MAP3K4: variants seen among roughly 807,000 people sequenced by gnomAD.
MAP3K4 encodes mitogen-activated protein kinase kinase kinase 4, also known as MAP three kinase 1.
MAP3K4 carries 67 observed loss-of-function variants against 185.6 expected under a neutral mutation model. The observed-to-expected ratio is 0.36, with a 90% CI of 0.30 to 0.44. MAP3K4 has a LOEUF of 0.44. MAP3K4 is among the 20% of genes least tolerant of loss of function. The pLI is 1.00. For missense variants in MAP3K4, 1,551 were observed against 1,995.1 expected, an observed-to-expected ratio of 0.78 and a Z score of 4.24; for synonymous variants, 702 against 710.4, an observed-to-expected ratio of 0.99 and a Z score of 0.19.
At position 161,106,714 on chromosome 6, in the gene MAP3K4, A is replaced by T; in HGVS notation, c.4048+9A>T. 1 of 1,602,358 alleles carries T rather than the reference A, an allele frequency of 6.2e-7. No homozygotes were observed. On this transcript the variant is annotated intron_variant, in intron 20 of 26. Coordinates refer to ENST00000392142, the MANE Select transcript of MAP3K4 (RefSeq NM_005922.4). The surrounding 1 kb of genome is among the most constrained non-coding windows in gnomAD (Gnocchi z 4.9). ...AAGAGGAAACAAAATTGGTAAGGAA[A>T]TTAAGGAGCATGATGTCAAGATAGT...
At position 161,103,491 on chromosome 6, in the gene MAP3K4, C is replaced by G. The variant is rs1777921106; in HGVS notation, c.3856+712C>G. 6.6e-6 allele frequency among the ~76,000 whole-genome samples: 1 copy of G among 152,162 alleles called. No individual in the cohort carries two copies. ...CTTTGAAGGGATGGCAGGTCTGCAG[C>G]AAGCCAGGAGGCAAGGAATAGAAGG... On this transcript the variant is annotated intron_variant, in intron 19 of 26. Coordinates refer to ENST00000392142, the MANE Select transcript of MAP3K4 (RefSeq NM_005922.4). This position sits in a 1 kb window ranked among gnomAD's most constrained non-coding sequence, Gnocchi z 4.6.
chr6:161,019,630 A>G (rs923122701), intron 1 of MAP3K4, among the ~76,000 whole-genome samples: 2 of 152,110 alleles, frequency 1.3e-5, no homozygotes, highest in Non-Finnish European at 2.9e-5. Flanking sequence ...GCCGGTCTTG[A>G]ACTCCTGACC....
Position 161,064,527 on chromosome 6 carries a change from C to G in MAP3K4, c.1708-6081C>G, listed in dbSNP as rs181159363. Among the ~76,000 whole-genome samples, 83 of 151,752 alleles carry G rather than the reference C, an allele frequency of 5.5e-4. 1 individual carries two copies. Among genetic ancestry groups the G allele is most frequent in the Non-Finnish European group, 1.0e-4 (7 of 67,968 alleles). On this transcript the variant is annotated intron_variant, in intron 3 of 26. Transcript: ENST00000392142. This position sits in a 1 kb window ranked among gnomAD's most constrained non-coding sequence, Gnocchi z 4.3. The stretch of plus-strand genomic sequence containing the variant: ...TCTGATCTGTTTATTACTGTGCAGG[C>G]TTATTCTATTTTAAATAGAGTAGGC...
chr6:161,070,354 A>T lies in MAP3K4; in HGVS notation c.1708-254A>T, dbSNP rs1362901607. ...ATGAACCTGATTCTTTTTCTAATATACTTCTTTGATCAAAGTATTGCAATT... is the reference window on the plus strand; with the variant it reads ...ATGAACCTGATTCTTTTTCTAATATTCTTCTTTGATCAAAGTATTGCAATT... On this transcript the variant is annotated intron_variant, in intron 3 of 26. Transcript: ENST00000392142. The surrounding 1 kb of genome is among the most constrained non-coding windows in gnomAD (Gnocchi z 4.5). Among the ~76,000 whole-genome samples the T allele has an allele frequency of 1.3e-5, 2 of 152,146 alleles. No homozygotes were observed. Among genetic ancestry groups the T allele is most frequent in the African/African-American group, 4.8e-5 (2 of 41,428 alleles).
rs1456988264 is a variant in MAP3K4 at position 161,088,563 on chromosome 6, C to T, written c.2823+609C>T. Among the ~76,000 whole-genome samples, 8 of 152,146 alleles carry T rather than the reference C, an allele frequency of 5.3e-5. No individual in the cohort carries two copies. The highest frequency in any genetic ancestry group is 1.9e-4 in the East Asian group (1 of 5,196). On this transcript the variant is annotated intron_variant, in intron 10 of 26. Transcript: ENST00000392142. This position sits in a 1 kb window ranked among gnomAD's most constrained non-coding sequence, Gnocchi z 4.5. Reference sequence around the variant, plus strand: ...TATATTCCGTCTCAGTGAATGGTTCCGCGTTCACTCACATGTTTAAACCAG... The same window carrying T: ...TATATTCCGTCTCAGTGAATGGTTCTGCGTTCACTCACATGTTTAAACCAG...
At chr6:161,030,735 G>A (rs1782888575) in intron 1 of MAP3K4, among the ~76,000 whole-genome samples, 1 of 152,092 alleles carries the variant, frequency 6.6e-6, no homozygotes, top group African/African-American at 2.4e-5. Context: ...TGATAGGATG[G>A]AAAACGTTGT....
At chr6:161,010,681 A>AC (rs1314828858) in intron 1 of MAP3K4, among the ~76,000 whole-genome samples, 2 of 152,150 alleles carry the variant, frequency 1.3e-5, no homozygotes, top group Admixed American at 6.6e-5. Context: ...ACTATGACTA[A>AC]CCCCTGTTAA....
At chr6:161,099,428 A>G (rs1413051177) in intron 17 of MAP3K4, among the ~76,000 whole-genome samples, 1 of 152,264 alleles carries the variant, frequency 6.6e-6, no homozygotes, top group East Asian at 1.9e-4. Flanking sequence ...AGAAATGTCT[A>G]TAACCTAAAA....
intron 1 of MAP3K4, among the ~76,000 whole-genome samples, chr6:160,995,153 AGGT>A (rs1201665791): frequency 2.0e-5 from 3 of 152,132 alleles, no homozygotes; most frequent in Non-Finnish European, 2.9e-5. Flanking sequence ...TGCAGGAGTA[AGGT>A]GGTATCTCAT....
At chr6:161,094,722 T>G (rs2114875984) in intron 15 of MAP3K4, among the ~76,000 whole-genome samples, 1 of 152,344 alleles carries the variant, frequency 6.6e-6, no homozygotes. Flanking sequence ...AATCTTCAGT[T>G]TATACCTCTT....
chr6:161,087,676 T>C lies in MAP3K4; in HGVS notation c.2557-12T>C. ...CAGTGTTCCTTAAGATTTTGGATTA[T>C]GTCTTTTGCAGGTGCAAATTCCTGG... On this transcript the variant is annotated splice_polypyrimidine_tract_variant and intron_variant, in intron 9 of 26. Transcript: ENST00000392142. The surrounding 1 kb of genome is among the most constrained non-coding windows in gnomAD (Gnocchi z 4.9). 1.2e-6 allele frequency: 2 copies of C among 1,613,532 alleles called. No individual in the cohort carries two copies. Among genetic ancestry groups the C allele is most frequent in the Non-Finnish European group, 1.7e-6 (2 of 1,179,894 alleles).
intron 1 of MAP3K4, among the ~76,000 whole-genome samples, chr6:161,012,647 C>T (rs1781903751): frequency 6.6e-6 from 1 of 152,056 alleles, no homozygotes; most frequent in South Asian, 2.1e-4. Context: ...GTGCAGAATA[C>T]CGGGAATCTG....
intron 1 of MAP3K4, among the ~76,000 whole-genome samples, chr6:161,001,586 C>T (rs562120775): frequency 2.8e-3 from 427 of 152,240 alleles, no homozygotes; most frequent in Non-Finnish European, 5.4e-3. Context: ...GCTGGGGCAT[C>T]GTCTGTTGTT....
Position 161,096,921 on chromosome 6 carries a change from A to C in MAP3K4, c.3428-159A>C. 1 of 534,298 alleles carries C rather than the reference A, an allele frequency of 1.9e-6. No homozygotes were observed. The allele number at this position is 534,298 out of a possible 1,614,324, so 33.1% of individuals were successfully genotyped here. A position where few individuals can be genotyped will look rare whatever the true frequency, so the allele number is the denominator to read the frequency against. On this transcript the variant is annotated intron_variant, in intron 15 of 26. Transcript: ENST00000392142. This position sits in a 1 kb window ranked among gnomAD's most constrained non-coding sequence, Gnocchi z 4.9. ...CTTTTAAAAAGTGACATTTTCCATA[A>C]TATTTGTATATGTAATATTATTTTT... is the stretch of plus-strand genomic sequence containing the variant.
chr6:161,090,352 G>A (rs1280575316), intron 11 of MAP3K4, among the ~76,000 whole-genome samples: 1 of 152,208 alleles, frequency 6.6e-6, no homozygotes, highest in Non-Finnish European at 1.5e-5. Flanking sequence ...GGTGACAAAA[G>A]CTCGAGCCAG....
rs2092972653 is a variant in MAP3K4, at chr6:161,087,400, C to T, written c.2557-288C>T. Among the ~76,000 whole-genome samples, 1 of 152,156 alleles carries T rather than the reference C, an allele frequency of 6.6e-6. No individual in the cohort carries two copies. ...TTGAGGTTCTTTCAGGCTGCCTTGCCTCCCCGTCGAGTATTTTCTTTGTTG... is the reference window on the plus strand; with the variant it reads ...TTGAGGTTCTTTCAGGCTGCCTTGCTTCCCCGTCGAGTATTTTCTTTGTTG... On this transcript the variant is annotated intron_variant, in intron 9 of 26. Transcript: ENST00000392142. This position sits in a 1 kb window ranked among gnomAD's most constrained non-coding sequence, Gnocchi z 4.9.
Position 161,106,832 on chromosome 6 carries a change from AT to A in MAP3K4, c.4048+128del. 1 of 652,116 alleles carries A rather than the reference AT, an allele frequency of 1.5e-6. No individual in the cohort carries two copies. The highest frequency in any genetic ancestry group is 2.3e-6 in the Non-Finnish European group (1 of 429,164). 40.4% of individuals were successfully genotyped at this position (652,116 alleles called of 1,614,324 possible). A position where few individuals can be genotyped will look rare whatever the true frequency, so the allele number is the denominator to read the frequency against. ...GTAGACATAGCAAGTATGCATTGTT[AT>A]CTTTTTGCAAAGTGGTCTGGATTTT... On this transcript the variant is annotated intron_variant, in intron 20 of 26. Transcript: ENST00000392142. This position sits in a 1 kb window ranked among gnomAD's most constrained non-coding sequence, Gnocchi z 4.9.
In MAP3K4 at chr6:161,070,671, T is replaced by G; in HGVS notation, c.1771T>G (p.Ser591Ala). 6.2e-7 allele frequency: 1 copy of G among 1,614,068 alleles called. No individual in the cohort carries two copies. Among genetic ancestry groups the G allele is most frequent in the Non-Finnish European group, 8.5e-7 (1 of 1,179,984 alleles). Residue 591 changes from serine to alanine, a missense_variant, in exon 4 of 27, where the codon TCA becomes GCA. This residue lies in a region of MAP3K4 where 86 missense variants were observed against 81.6 expected (regional missense o/e 1.05). Coordinates refer to ENST00000392142, the MANE Select transcript of MAP3K4 (RefSeq NM_005922.4). The surrounding 1 kb of genome is among the most constrained non-coding windows in gnomAD (Gnocchi z 4.5). ...TGTGCAGTTGTCAAGGACACCACCT[T>G]CATCTGAGGAGAAATGCAGTGCTGT... is the stretch of plus-strand genomic sequence containing the variant. ...DYVQLSRTPP[S>A]SEEKCSAVSW...
chr6:161,092,319 G>A (rs1777361157), intron 13 of MAP3K4, among the ~76,000 whole-genome samples, 176 bp downstream of exon 13: 1 of 151,894 alleles, frequency 6.6e-6, no homozygotes, highest in Non-Finnish European at 1.5e-5. Flanking sequence ...GTAACTCTTG[G>A]GAAAAAATTT....
Sources: gnomAD v4.1 joint callset for allele counts (sites outside exome capture counted in the v4.1 genomes callset) on GRCh38, gnomAD v4.1.1 for gene constraint, gnomAD v4.1.1 regional missense constraint, Gnocchi (gnomAD v3.1) non-coding constraint, MANE v1.5 for transcripts, NCBI Gene and HGNC (gene_info 2026-07-23, HGNC 2026-07-21) for gene names.